The following MORC2 variants were observed in gnomAD, a reference collection of about 807,000 sequenced individuals.
The protein encoded by MORC2 is ATPase MORC2.
A neutral mutation model predicts 136.0 loss-of-function variants in MORC2; 30 were observed. The observed-to-expected ratio is 0.22, with a 90% CI of 0.17 to 0.30. The LOEUF (loss-of-function observed/expected upper bound fraction) is 0.30, where lower values mean the gene tolerates loss of function less well. MORC2 is among the 10% of genes least tolerant of loss of function. The pLI, the probability that MORC2 is intolerant of heterozygous loss-of-function variation, is 1.00. For synonymous variants in MORC2, 439 were observed against 487.0 expected (o/e 0.90, Z 1.30); for missense variants, 922 against 1,333.1 (o/e 0.69, Z 4.80).
chr22:30,939,440 C>A (rs1949830349), intron 12 of MORC2, among the ~76,000 whole-genome samples, 181 bp downstream of exon 12: 1 of 152,094 alleles, frequency 6.6e-6, no homozygotes, highest in African/African-American at 2.4e-5. Context: ...TCAGCCCTGC[C>A]CTGTCTTTAT....
chr22:30,950,353 C>CCCACA, intron 4 of MORC2, 24 bp downstream of exon 4: 1 of 1,481,956 alleles, frequency 6.7e-7, no homozygotes, highest in Non-Finnish European at 9.4e-7. Context: ...CCCCACCCCC[C>CCCACA]AAAACAATAA....
intron 2 of MORC2, among the ~76,000 whole-genome samples, chr22:30,957,491 T>C (rs1053361232): frequency 6.6e-6 from 1 of 152,164 alleles, no homozygotes; most frequent in African/African-American, 2.4e-5. Context: ...ATGCAAAAAA[T>C]CCACACAGCT....
In MORC2 at chr22:30,956,800, G is replaced by T; in HGVS notation, c.123-3C>A. 6.5e-7 allele frequency: 1 copy of T among 1,543,770 alleles called. No individual in the cohort carries two copies. The highest frequency in any genetic ancestry group is 8.8e-7 in the Non-Finnish European group (1 of 1,141,902). ...CTATTCTGGTGGCATCAGCATCTCTGCAAAGTGAAAAGAAAAGAATCATGT... is the reference window on the plus strand; with the variant it reads ...CTATTCTGGTGGCATCAGCATCTCTTCAAAGTGAAAAGAAAAGAATCATGT... On this transcript the variant is annotated splice_polypyrimidine_tract_variant and splice_region_variant and intron_variant, in intron 2 of 25. Coordinates refer to ENST00000397641, the MANE Select transcript of MORC2 (RefSeq NM_001303256.3).
rs915584025 is a variant in MORC2, at chr22:30,934,353, C to T, written c.2194-162G>A. On this transcript the variant is annotated intron_variant, in intron 19 of 25. Coordinates refer to ENST00000397641, the MANE Select transcript of MORC2 (RefSeq NM_001303256.3). This position sits in a 1 kb window ranked among gnomAD's most constrained non-coding sequence, Gnocchi z 4.4. ...TACACAGGCAACCCACTGGCCCCTG[C>T]GCCATAAGGATTTTTGCTCAAAGCT... 5.9e-5 allele frequency among the ~76,000 whole-genome samples: 9 copies of T among 152,272 alleles called. No individual in the cohort carries two copies. Among genetic ancestry groups the T allele is most frequent in the Admixed American group, 3.3e-4 (5 of 15,300 alleles).
At chr22:30,929,929 A>C (rs888122072) in intron 24 of MORC2, 9 of 152,102 alleles carry the variant, frequency 5.9e-5, no homozygotes, top group African/African-American at 1.9e-4. Flanking sequence ...AGCTTACTAC[A>C]ACCTCTGCCT....
chr22:30,948,741 T>C (rs1342537048), intron 5 of MORC2, among the ~76,000 whole-genome samples: 1 of 152,204 alleles, frequency 6.6e-6, no homozygotes, highest in Non-Finnish European at 1.5e-5. Flanking sequence ...TTCACCCTTA[T>C]AAACCTCAAT....
At chr22:30,946,283 G>T in intron 6 of MORC2, 58 bp downstream of exon 6, 1 of 1,414,240 alleles carries the variant, frequency 7.1e-7, no homozygotes, top group Non-Finnish European at 9.8e-7. Context: ...TACGAAAACC[G>T]CCTGGGCAGA....
At chr22:30,967,301 T>C (rs2147335094) in intron 1 of MORC2, 1 of 987,294 alleles carries the variant, frequency 1.0e-6, no homozygotes, top group South Asian at 4.6e-5. Flanking sequence ...CTGTTTAGCA[T>C]ATACAAATAA....
At chr22:30,946,812 G>A (rs2040823479) in intron 5 of MORC2, among the ~76,000 whole-genome samples, 1 of 152,112 alleles carries the variant, frequency 6.6e-6, no homozygotes, top group African/African-American at 2.4e-5. Context: ...TTGAGCTCTT[G>A]GTTCATCCCA....
rs764146266 is a variant in MORC2, at chr22:30,940,060, C to G, written c.905-19G>C. On this transcript the variant is annotated intron_variant, in intron 10 of 25. Transcript: ENST00000397641. ...TCTTCAGCTGAAACCCAGAAGAGAA[C>G]ATGGTAAGAAATGCAAAGGTTCAAA... The G allele has an allele frequency of 6.2e-7, 1 of 1,611,598 alleles. No individual in the cohort carries two copies. Among genetic ancestry groups the G allele is most frequent in the Non-Finnish European group, 8.5e-7 (1 of 1,179,164 alleles).
chr22:30,957,947 C>A (rs888640255), intron 2 of MORC2, among the ~76,000 whole-genome samples: 29 of 152,320 alleles, frequency 1.9e-4, no homozygotes, highest in African/African-American at 6.7e-4. Flanking sequence ...CCTTAGTCAT[C>A]AAAACCTAGT....
intron 1 of MORC2, among the ~76,000 whole-genome samples, chr22:30,962,349 G>A (rs946469131): frequency 1.6e-4 from 25 of 152,096 alleles, no homozygotes; most frequent in Admixed American, 1.2e-3. Flanking sequence ...GATGCCTTTA[G>A]CCCAGGAATT....
intron 9 of MORC2, 32 bp from the exon 10 acceptor site, chr22:30,940,869 A>G: frequency 6.3e-7 from 1 of 1,588,846 alleles, no homozygotes; most frequent in Non-Finnish European, 8.6e-7. Flanking sequence ...CTGATGGCCC[A>G]CGCAGCAGTG....
In MORC2 at chr22:30,967,861, T is replaced by G; in HGVS notation, c.29A>C (p.Asn10Thr). 6.4e-7 allele frequency: 1 copy of G among 1,551,216 alleles called. No individual in the cohort carries two copies. Among genetic ancestry groups the G allele is most frequent in the African/African-American group, 1.4e-5 (1 of 73,188 alleles). Residue 10 changes from asparagine (N) to threonine (T), a missense_variant, in exon 1 of 26, where the codon AAT becomes ACT. This residue lies in a region of MORC2 where 17 missense variants were observed against 16.8 expected (regional missense o/e 1.01). Transcript: ENST00000397641. ...ATATTCAAAGGTTAGCTGAGCTCGA[T>G]TCAGACTGCTGTAATTTGTGAAAGC... MAFTNYSSL[N>T]RAQLTFEYLH... is the part of the protein sequence containing the mutation.
At chr22:30,942,302 G>A in intron 6 of MORC2, 31 bp from the exon 7 acceptor site, 6 of 1,589,806 alleles carry the variant, frequency 3.8e-6, no homozygotes, top group South Asian at 1.1e-5. Flanking sequence ...GGCACTTTAA[G>A]GGAAGCCCCA....
rs778758826 is a variant in MORC2, at chr22:30,950,393, T to C, written c.210A>G (p.Gly70=). 1 of 1,423,428 alleles carries C rather than the reference T, an allele frequency of 7.0e-7. No individual in the cohort carries two copies. The highest frequency in any genetic ancestry group is 2.0e-5 in the Admixed American group (1 of 49,058). 88.2% of individuals were successfully genotyped at this position (1,423,428 alleles called of 1,614,324 possible). The change falls in exon 4 of 26, where the codon GGA becomes GGG. Residue 70 remains glycine, a synonymous_variant. Coordinates refer to ENST00000397641, the MANE Select transcript of MORC2 (RefSeq NM_001303256.3). The stretch of plus-strand genomic sequence containing the variant: ...ATCACTTACTTGGATCCATTCCTGC[T>C]CCATCATCCAAAAAGCAAAGCATAA... ...GGFMLCFLDD[G]AGMDPSDAAS... is the part of the protein sequence containing the mutation.
In MORC2 at chr22:30,949,828, C is replaced by T; in HGVS notation, c.241G>A (p.Val81Met). The stretch of plus-strand genomic sequence containing the variant: ...TTGGCCGACTTCCCAAACTGGATCA[C>T]ACTGGCAGCATCACCTGAAAGGGCA... Reference protein sequence around the residue: ...AGMDPSDAASVIQFGKSAKRT... With the variant: ...AGMDPSDAASMIQFGKSAKRT... Residue 81 changes from valine (V) to methionine (M), a missense_variant, in exon 5 of 26, where the codon GTG (valine) becomes ATG (methionine). By Grantham distance (21) the Val-to-Met change is conservative (BLOSUM62 1). Transcript: ENST00000397641. The T allele has an allele frequency of 1.9e-6, 3 of 1,614,186 alleles. No individual in the cohort carries two copies. The highest frequency in any genetic ancestry group is 2.5e-6 in the Non-Finnish European group (3 of 1,180,022).
At chr22:30,956,565 C>T (rs1445296861) in intron 3 of MORC2, among the ~76,000 whole-genome samples, 198 bp downstream of exon 3, 4 of 152,194 alleles carry the variant, frequency 2.6e-5, no homozygotes, top group African/African-American at 9.7e-5. Flanking sequence ...TTTCTTGAAA[C>T]CAATATTCTT....
chr22:30,958,734 G>A, intron 1 of MORC2, 40 bp from the exon 2 acceptor site: 1 of 1,453,392 alleles, frequency 6.9e-7, no homozygotes, highest in Non-Finnish European at 9.4e-7. Context: ...AAGAATTATT[G>A]AAGTTATAAT....
Sources: gnomAD v4.1 joint callset for allele counts (sites outside exome capture counted in the v4.1 genomes callset) on GRCh38, gnomAD v4.1.1 for gene constraint, gnomAD v4.1.1 regional missense constraint, Gnocchi (gnomAD v3.1) non-coding constraint, MANE v1.5 for transcripts, NCBI Gene and HGNC (gene_info 2026-07-23, HGNC 2026-07-21) for gene names.